S100Z: variants seen among roughly 807,000 people sequenced by gnomAD.
The protein encoded by S100Z is S100 calcium binding protein Z, also known as protein S100-Z.
S100Z carries 11 observed loss-of-function variants against 8.5 expected under a neutral mutation model. The observed-to-expected ratio is 1.30, with a 90% CI of 0.82 to 2.15. The LOEUF (loss-of-function observed/expected upper bound fraction) is 2.15. S100Z is among the 30% of genes most tolerant of loss of function. The pLI is 0.00. For missense variants in S100Z, 126 were observed against 117.9 expected, an observed-to-expected ratio of 1.07 and a Z score of -0.32; for synonymous variants, 34 against 43.8, an observed-to-expected ratio of 0.78 and a Z score of 0.89.
chr5:76,945,361 G>C, the S100Z span, among the ~76,000 whole-genome samples: 6 of 152,312 alleles, frequency 3.9e-5, no homozygotes, highest in African/African-American at 9.6e-5. Flanking sequence ...CCCCCAGCCC[G>C]ACACCCATGA....
chr5:76,862,322 G>T (rs1364628453), intron 1 of S100Z, among the ~76,000 whole-genome samples: 1 of 152,090 alleles, frequency 6.6e-6, no homozygotes, highest in Non-Finnish European at 1.5e-5. Context: ...GGAACAGAAG[G>T]TATAGCCAGT....
intron 4 of S100Z, among the ~76,000 whole-genome samples, chr5:76,914,211 C>T (rs530512691): frequency 2.0e-5 from 3 of 152,192 alleles, no homozygotes; most frequent in Non-Finnish European, 2.9e-5. Flanking sequence ...AAGCGGTCAT[C>T]GGCCAAATTC....
chr5:76,892,310 T>C (rs1430290928), intron 4 of S100Z, among the ~76,000 whole-genome samples: 2 of 152,114 alleles, frequency 1.3e-5, no homozygotes, highest in Non-Finnish European at 2.9e-5. Flanking sequence ...TCTTTCAAAT[T>C]GGTCCCTACC....
intron 4 of S100Z, among the ~76,000 whole-genome samples, chr5:76,917,769 A>C (rs1561252730): frequency 6.6e-6 from 1 of 151,142 alleles, no homozygotes. Context: ...GTTGCAGTAA[A>C]CCGAGATAAC....
intron 1 of S100Z, among the ~76,000 whole-genome samples, chr5:76,850,491 G>C (rs1007570406): frequency 2.0e-5 from 3 of 152,164 alleles, no homozygotes; most frequent in African/African-American, 7.2e-5. Flanking sequence ...ACCTCACCTT[G>C]AGAAATTCAA....
intron 1 of S100Z, among the ~76,000 whole-genome samples, chr5:76,868,088 C>T (rs941202854): frequency 2.0e-5 from 3 of 152,194 alleles, no homozygotes; most frequent in Non-Finnish European, 2.9e-5. Context: ...TCATGTCACC[C>T]GTAAATTTGT....
chr5:76,869,545 G>A (rs1288925621), intron 1 of S100Z, among the ~76,000 whole-genome samples: 1 of 152,210 alleles, frequency 6.6e-6, no homozygotes, highest in Non-Finnish European at 1.5e-5. Context: ...ATGGCCAGGA[G>A]CGTGGGTGTT....
intron 3 of S100Z, among the ~76,000 whole-genome samples, chr5:76,876,102 C>T (rs1033709409): frequency 3.3e-5 from 5 of 152,082 alleles, no homozygotes; most frequent in African/African-American, 1.2e-4. Flanking sequence ...GCGTTTGGGG[C>T]CTCCTCCAAG....
the S100Z span, among the ~76,000 whole-genome samples, chr5:76,934,166 C>T: frequency 6.6e-6 from 1 of 152,132 alleles, no homozygotes; most frequent in East Asian, 1.9e-4. Flanking sequence ...CTTAATCATC[C>T]TCTACCAAGT....
At chr5:76,877,208 G>GCTCT (rs1170132035) in intron 3 of S100Z, among the ~76,000 whole-genome samples, 3 of 152,144 alleles carry the variant, frequency 2.0e-5, no homozygotes, top group Non-Finnish European at 4.4e-5. Flanking sequence ...AAAGTGTGAT[G>GCTCT]AAGTATCCCT....
chr5:76,879,554 A>G (rs1743319366), intron 4 of S100Z, among the ~76,000 whole-genome samples: 1 of 152,236 alleles, frequency 6.6e-6, no homozygotes, highest in African/African-American at 2.4e-5. Context: ...GAGATATCAC[A>G]TGGGAAGTTG....
chr5:76,873,644 T>C (rs1451389830), intron 2 of S100Z, among the ~76,000 whole-genome samples: 2 of 152,152 alleles, frequency 1.3e-5, no homozygotes, highest in African/African-American at 4.8e-5. Flanking sequence ...GAACACCTCC[T>C]GGGAACCTTG....
chr5:76,903,721 T>C (rs546021098), intron 4 of S100Z, among the ~76,000 whole-genome samples: 8 of 147,272 alleles, frequency 5.4e-5, no homozygotes, highest in African/African-American at 2.2e-4. Context: ...CTTTGTTTTC[T>C]TTTTTTGTTG....
At chr5:76,936,616 T>TACACACACACACACAC in the S100Z span, among the ~76,000 whole-genome samples, 32 of 134,136 alleles carry the variant, frequency 2.4e-4, no homozygotes, top group Middle Eastern at 3.6e-3. Flanking sequence ...TTAAAGTTCC[T>TACACACACACACACAC]ACACACACAC....
rs369026588 is a variant in S100Z at position 76,863,740 on chromosome 5, G to A, written c.-175-6426G>A. Among the ~76,000 whole-genome samples, 156 of 151,962 alleles carry A rather than the reference G, an allele frequency of 1.0e-3. 1 individual carries two copies. The highest frequency in any genetic ancestry group is 2.5e-3 in the African/African-American group (103 of 41,370). ...TTTTTAGTAGAGACGGGGTTTCACC[G>A]TGTTAGCCAGGATGGTCTCGATCTC... On this transcript the variant is annotated intron_variant, in intron 1 of 4. Coordinates refer to ENST00000317593, the MANE Select transcript of S100Z (RefSeq NM_130772.4).
At chr5:76,864,386 A>ATT (rs56206322) in intron 1 of S100Z, among the ~76,000 whole-genome samples, 1,802 of 72,212 alleles carry the variant, frequency 0.025, 74 homozygotes, top group Non-Finnish European at 0.034. Flanking sequence ...TGCATACTAT[A>ATT]TTTTTTTTTT....
chr5:76,951,845 C>A, the S100Z span, among the ~76,000 whole-genome samples: 1 of 152,176 alleles, frequency 6.6e-6, no homozygotes, highest in Admixed American at 6.5e-5. Flanking sequence ...ATTAAACCAA[C>A]AAAGAGGCCG....
At chr5:76,870,728 G>T (rs781536750) in intron 2 of S100Z, among the ~76,000 whole-genome samples, 7 of 152,026 alleles carry the variant, frequency 4.6e-5, no homozygotes, top group Admixed American at 1.3e-4. Context: ...GACAGATCTG[G>T]GCCAAGAAAT....
intron 4 of S100Z, among the ~76,000 whole-genome samples, chr5:76,916,754 T>C (rs985726709): frequency 6.6e-6 from 1 of 152,126 alleles, no homozygotes; most frequent in Admixed American, 6.5e-5. Flanking sequence ...GTAAAGACGA[T>C]ATATCAAAAT....
Sources: allele counts gnomAD v4.1 joint callset (sites outside exome capture counted in the v4.1 genomes callset), GRCh38; gene constraint gnomAD v4.1.1; transcripts MANE v1.5; gene names NCBI Gene and HGNC (gene_info 2026-07-23, HGNC 2026-07-21).